Variants in CNTNAP5 observed in about 807,000 individuals in gnomAD.
CNTNAP5 encodes contactin-associated protein-like 5.
CNTNAP5 carries 72 observed loss-of-function variants against 150.2 expected under a neutral mutation model. That is an observed-to-expected ratio of 0.48 (90% CI 0.40 to 0.58). The LOEUF is 0.58. CNTNAP5 is among the 20% of genes least tolerant of loss of function. The pLI is 0.00. For missense variants in CNTNAP5, 1,636 were observed against 1,626.2 expected (o/e 1.01, Z -0.10); for synonymous variants, 672 against 619.8 (o/e 1.08, Z -1.25).
At chr2:124,553,074 G>T (rs1420027356) in intron 10 of CNTNAP5, among the ~76,000 whole-genome samples, 1 of 152,188 alleles carries the variant, frequency 6.6e-6, no homozygotes, top group African/African-American at 2.4e-5. Context: ...CTAGGTCAAA[G>T]CAGATATATA....
chr2:124,796,285 T>G (rs1417236007), intron 18 of CNTNAP5, among the ~76,000 whole-genome samples: 2 of 152,228 alleles, frequency 1.3e-5, no homozygotes, highest in Non-Finnish European at 2.9e-5. Flanking sequence ...ATCTATGTTA[T>G]TCCTAACAGA....
chr2:124,234,024 G>GT (rs1686687490), intron 2 of CNTNAP5, among the ~76,000 whole-genome samples: 1 of 152,058 alleles, frequency 6.6e-6, no homozygotes, highest in Non-Finnish European at 1.5e-5. Flanking sequence ...GAAAAAAAAT[G>GT]TAAGTGGTAA....
At chr2:124,121,477 C>T (rs925537379) in intron 1 of CNTNAP5, among the ~76,000 whole-genome samples, 6 of 152,174 alleles carry the variant, frequency 3.9e-5, no homozygotes, top group Admixed American at 1.3e-4. Flanking sequence ...AAGGCAGTGG[C>T]GCTGCAGGAG....
At chr2:124,608,672 C>G (rs932256220) in intron 11 of CNTNAP5, among the ~76,000 whole-genome samples, 1 of 152,122 alleles carries the variant, frequency 6.6e-6, no homozygotes, top group Non-Finnish European at 1.5e-5. Flanking sequence ...CTGGGCCAGG[C>G]GCAGTGGTTC....
rs146651570 is a variant in CNTNAP5, at chr2:124,879,905, C to A, written c.3436+10143C>A. On this transcript the variant is annotated intron_variant, in intron 21 of 23. Coordinates refer to ENST00000682447, the MANE Select transcript of CNTNAP5 (RefSeq NM_001367498.1). The stretch of plus-strand genomic sequence containing the variant: ...CAAGCTAAGAGTAATGAACTCCCTG[C>A]GGCGGCCTTATAGGGACCCCTCTGA... Among the ~76,000 whole-genome samples, 6 of 152,140 alleles carry A rather than the reference C, an allele frequency of 3.9e-5. No homozygotes were observed. The East Asian group carries it at 5.8e-4, about 15-fold the overall frequency.
chr2:124,356,218 TCTA>T (rs1357065553), intron 3 of CNTNAP5, among the ~76,000 whole-genome samples: 8 of 152,020 alleles, frequency 5.3e-5, no homozygotes, highest in African/African-American at 1.9e-4. Flanking sequence ...ATATCCTGCT[TCTA>T]CTAAAATATG....
At chr2:124,044,176 T>A (rs963697442) in intron 1 of CNTNAP5, among the ~76,000 whole-genome samples, 1 of 152,226 alleles carries the variant, frequency 6.6e-6, no homozygotes, top group African/African-American at 2.4e-5. Flanking sequence ...GGAGTACTGC[T>A]TACGGTGTGC....
At chr2:124,083,176 C>T (rs1245441007) in intron 1 of CNTNAP5, among the ~76,000 whole-genome samples, 3 of 152,058 alleles carry the variant, frequency 2.0e-5, no homozygotes, top group Non-Finnish European at 2.9e-5. Flanking sequence ...GACGAAACCC[C>T]GTCTCTACTA....
At chr2:124,783,382 G>A (rs1430511985) in intron 17 of CNTNAP5, among the ~76,000 whole-genome samples, 1 of 151,872 alleles carries the variant, frequency 6.6e-6, no homozygotes, top group Admixed American at 6.6e-5. Flanking sequence ...ATTCTCTTTT[G>A]TCAGACATTT....
chr2:124,209,005 A>G (rs1351450609), intron 1 of CNTNAP5, among the ~76,000 whole-genome samples: 1 of 152,172 alleles, frequency 6.6e-6, no homozygotes, highest in Non-Finnish European at 1.5e-5. Context: ...CCATGGAGGA[A>G]TACTATATCA....
chr2:124,108,366 T>C (rs1683213853), intron 1 of CNTNAP5, among the ~76,000 whole-genome samples: 1 of 152,188 alleles, frequency 6.6e-6, no homozygotes, highest in African/African-American at 2.4e-5. Flanking sequence ...TCTCAGTGTT[T>C]ACCTTTGTAA....
intron 13 of CNTNAP5, among the ~76,000 whole-genome samples, chr2:124,661,608 G>A (rs1449806895): frequency 1.3e-5 from 2 of 151,700 alleles, no homozygotes; most frequent in South Asian, 2.1e-4. Flanking sequence ...CTAAAATACT[G>A]ATAAAAATAG....
At position 124,880,034 on chromosome 2, in the gene CNTNAP5, G is replaced by C. The variant is rs149889639; in HGVS notation, c.3436+10272G>C. 2.0e-5 allele frequency among the ~76,000 whole-genome samples: 3 copies of C among 152,248 alleles called. No homozygotes were observed. The East Asian group carries it at 5.8e-4, about 29-fold the overall frequency. On this transcript the variant is annotated intron_variant, in intron 21 of 23. Transcript: ENST00000682447. ...GTGCTTTCCCACACAGAAGGAGAGG[G>C]AATTGAGGCTCGAGGAGTGTTGTGT...
chr2:124,813,802 A>G (rs984931721), intron 19 of CNTNAP5, among the ~76,000 whole-genome samples: 1 of 151,742 alleles, frequency 6.6e-6, no homozygotes, highest in Non-Finnish European at 1.5e-5. Context: ...TACTGAATAT[A>G]CTTATATTGC....
At chr2:124,602,285 T>C (rs1179518619) in intron 11 of CNTNAP5, among the ~76,000 whole-genome samples, 2 of 136,810 alleles carry the variant, frequency 1.5e-5, no homozygotes, top group Non-Finnish European at 3.0e-5. Context: ...GAGGTTGTAG[T>C]GAGCCAAGAT....
At chr2:124,469,824 T>C (rs1036559073) in intron 6 of CNTNAP5, among the ~76,000 whole-genome samples, 2 of 152,186 alleles carry the variant, frequency 1.3e-5, no homozygotes, top group Admixed American at 1.3e-4. Flanking sequence ...GAACATACAG[T>C]GTTTGGTTTT....
intron 12 of CNTNAP5, among the ~76,000 whole-genome samples, chr2:124,638,856 T>C (rs1330835507): frequency 1.3e-5 from 2 of 152,250 alleles, no homozygotes; most frequent in Non-Finnish European, 2.9e-5. Context: ...AGATCTTATG[T>C]ATTATTTATT....
At chr2:124,107,253 G>A (rs553144059) in intron 1 of CNTNAP5, among the ~76,000 whole-genome samples, 27 of 152,290 alleles carry the variant, frequency 1.8e-4, no homozygotes, top group African/African-American at 6.0e-4. Context: ...AGAACAATGA[G>A]GGCTATTGGA....
At chr2:124,322,232 C>T (rs1250620640) in intron 3 of CNTNAP5, among the ~76,000 whole-genome samples, 2 of 151,830 alleles carry the variant, frequency 1.3e-5, no homozygotes, top group African/African-American at 4.8e-5. Context: ...AAACCATTTT[C>T]TTATAGACTT....
Sources: allele counts gnomAD v4.1 joint callset (sites outside exome capture counted in the v4.1 genomes callset), GRCh38; gene constraint gnomAD v4.1.1; transcripts MANE v1.5; gene names NCBI Gene and HGNC (gene_info 2026-07-23, HGNC 2026-07-21).